The following MME variants were observed in gnomAD, a reference collection of about 807,000 sequenced individuals.
MME encodes the protein neprilysin.
MME carries 98 observed loss-of-function variants against 113.2 expected under a neutral mutation model. The ratio of observed to expected loss-of-function variants is 0.87; its 90% confidence interval spans 0.74 to 1.02. MME has a LOEUF of 1.02. MME is among the 50% of genes least tolerant of loss of function. MME has a pLI of 0.00. For missense variants in MME, 836 were observed against 896.0 expected (o/e 0.93, Z 0.86); for synonymous variants, 292 against 300.6 (o/e 0.97, Z 0.30).
Position 155,182,228 on chromosome 3 carries a change from T to C in MME, c.*1769T>C, listed in dbSNP as rs1713163718. ...CAGCCTTACATTTGTGAGATTCCTC[T>C]GTATTGTGCTGATTGTGGATCTTTT... On this transcript the variant is annotated 3_prime_UTR_variant, in exon 23 of 23. Coordinates refer to ENST00000360490, the MANE Select transcript of MME (RefSeq NM_007289.4). The C allele has an allele frequency of 6.6e-6, 1 of 152,236 alleles. No homozygotes were observed. The highest frequency in any genetic ancestry group is 1.9e-4 in the East Asian group (1 of 5,204). The allele number at this position is 152,236 out of a possible 1,614,324, so 9.4% of individuals were successfully genotyped here.
At chr3:155,095,697 A>C (rs906493380) in intron 3 of MME, among the ~76,000 whole-genome samples, 3 of 151,958 alleles carry the variant, frequency 2.0e-5, no homozygotes, top group Admixed American at 2.0e-4. Flanking sequence ...TTTTTTCCAC[A>C]AAAGCATTAA....
chr3:155,172,909 G>T (rs1353731997), intron 22 of MME, among the ~76,000 whole-genome samples: 1 of 151,996 alleles, frequency 6.6e-6, no homozygotes, highest in Non-Finnish European at 1.5e-5. Context: ...TCAATTTAAA[G>T]CTAGAACAAA....
intron 20 of MME, among the ~76,000 whole-genome samples, chr3:155,169,459 C>T (rs1459695731): frequency 6.6e-6 from 1 of 152,020 alleles, no homozygotes; most frequent in Non-Finnish European, 1.5e-5. Context: ...GGAGATAAAG[C>T]AATGAATGCT....
chr3:155,154,832 A>AC (rs1722199109), intron 16 of MME, among the ~76,000 whole-genome samples: 1 of 152,176 alleles, frequency 6.6e-6, no homozygotes, highest in Admixed American at 6.5e-5. Context: ...GGAGCACCGG[A>AC]CACTTGAGAC....
intron 8 of MME, among the ~76,000 whole-genome samples, chr3:155,125,442 T>C: frequency 5.5e-5 from 6 of 108,116 alleles, no homozygotes; most frequent in Non-Finnish European, 7.4e-5. Context: ...TGGCTCCTCC[T>C]CCTTTTTTTT....
chr3:155,173,785 T>C (rs550173622), intron 22 of MME, among the ~76,000 whole-genome samples: 1 of 152,204 alleles, frequency 6.6e-6, no homozygotes, highest in South Asian at 2.1e-4. Flanking sequence ...AAAAAACTTT[T>C]AGTTTTAATT....
intron 8 of MME, among the ~76,000 whole-genome samples, chr3:155,134,022 A>C (rs1028682509): frequency 6.6e-6 from 1 of 151,898 alleles, no homozygotes; most frequent in African/African-American, 2.4e-5. Context: ...TTTACTTCAA[A>C]GTGAAACAAA....
intron 14 of MME, among the ~76,000 whole-genome samples, chr3:155,146,776 C>T (rs926570703): frequency 2.4e-4 from 36 of 151,802 alleles, no homozygotes; most frequent in Non-Finnish European, 1.0e-4. Flanking sequence ...GTAATTATAA[C>T]CTGCTGGAAT....
intron 3 of MME, among the ~76,000 whole-genome samples, chr3:155,098,357 C>T (rs911452648): frequency 1.3e-5 from 2 of 152,082 alleles, no homozygotes; most frequent in Non-Finnish European, 2.9e-5. Flanking sequence ...AGATCAAGAC[C>T]ATCCTGGCCA....
At chr3:155,091,975 T>C (rs1295916726) in intron 3 of MME, among the ~76,000 whole-genome samples, 1 of 152,112 alleles carries the variant, frequency 6.6e-6, no homozygotes, top group Non-Finnish European at 1.5e-5. Context: ...ATGGTATATG[T>C]ATATAAAGTC....
At chr3:155,141,065 G>A (rs1443875490) in intron 10 of MME, among the ~76,000 whole-genome samples, 1 of 152,098 alleles carries the variant, frequency 6.6e-6, no homozygotes, top group Non-Finnish European at 1.5e-5. Flanking sequence ...TTATTCTCGT[G>A]TATTAGTTGA....
rs1305185560 is a variant in MME at position 155,080,477 on chromosome 3, A to G, written c.-11+11A>G. On this transcript the variant is annotated intron_variant, in intron 1 of 22. Transcript: ENST00000360490. ...TTTTTAAAAAGCAAGGTTTGTTTTCATTTTGGTTTCTGTCGGATTTTCTCA... is the reference window on the plus strand; with the variant it reads ...TTTTTAAAAAGCAAGGTTTGTTTTCGTTTTGGTTTCTGTCGGATTTTCTCA... The G allele has an allele frequency of 6.6e-6, 1 of 151,516 alleles. No individual in the cohort carries two copies. Among genetic ancestry groups the G allele is most frequent in the Non-Finnish European group, 1.5e-5 (1 of 67,920 alleles). The allele number at this position is 151,516 out of a possible 1,614,324, so 9.4% of individuals were successfully genotyped here. A position where few individuals can be genotyped will look rare whatever the true frequency, so the allele number is the denominator to read the frequency against.
At chr3:155,148,187 T>C (rs1162312255) in intron 15 of MME, among the ~76,000 whole-genome samples, 2 of 152,106 alleles carry the variant, frequency 1.3e-5, no homozygotes, top group South Asian at 2.1e-4. Flanking sequence ...ATTAAATGAG[T>C]ATAATGTAAA....
intron 10 of MME, 118 bp downstream of exon 10, chr3:155,140,410 C>A: frequency 3.5e-6 from 1 of 286,088 alleles, no homozygotes; most frequent in Non-Finnish European, 6.2e-6. Flanking sequence ...ACTTCAATTC[C>A]TTTTTTTTTT....
chr3:155,032,018 C>A (rs1269197673), intron 1 of MME, among the ~76,000 whole-genome samples: 7 of 152,046 alleles, frequency 4.6e-5, no homozygotes, highest in African/African-American at 1.7e-4. Context: ...TCCAAGGTAC[C>A]CCATTTTCAC....
intron 1 of MME, among the ~76,000 whole-genome samples, chr3:155,043,686 C>G (rs940309381): frequency 6.6e-6 from 1 of 152,062 alleles, no homozygotes; most frequent in Non-Finnish European, 1.5e-5. Flanking sequence ...ATTAATTTCC[C>G]ATAAATAGTT....
At chr3:155,043,617 C>T (rs148089006) in intron 1 of MME, among the ~76,000 whole-genome samples, 1 of 152,222 alleles carries the variant, frequency 6.6e-6, no homozygotes, top group African/African-American at 2.4e-5. Context: ...CAGGTGTGAG[C>T]CACTGCGTCC....
At chr3:155,057,921 T>C (rs1713999082) in intron 1 of MME, among the ~76,000 whole-genome samples, 1 of 152,150 alleles carries the variant, frequency 6.6e-6, no homozygotes, top group Non-Finnish European at 1.5e-5. Flanking sequence ...ACTAAATTAT[T>C]CTTTTGTACA....
At chr3:155,026,854 A>G (rs914178024) in intron 1 of MME, among the ~76,000 whole-genome samples, 1 of 152,230 alleles carries the variant, frequency 6.6e-6, no homozygotes, top group African/African-American at 2.4e-5. Context: ...AATGTCCAGA[A>G]GCAGGTTGAT....
Sources: gnomAD v4.1 joint callset for allele counts (sites outside exome capture counted in the v4.1 genomes callset) on GRCh38, gnomAD v4.1.1 for gene constraint, MANE v1.5 for transcripts, NCBI Gene and HGNC (gene_info 2026-07-23, HGNC 2026-07-21) for gene names.